The following HEATR5A variants were observed in gnomAD, a reference collection of about 807,000 sequenced individuals.
HEATR5A encodes HEAT repeat containing 5A, also known as HEAT repeat-containing protein 5A.
A neutral mutation model predicts 218.8 loss-of-function variants in HEATR5A; 178 were observed. The observed-to-expected ratio is 0.81, with a 90% confidence interval of 0.72 to 0.92. The LOEUF is 0.92. Among genes scored for constraint, HEATR5A ranks in the 40% least tolerant of loss-of-function variants. HEATR5A has a pLI of 0.00. For synonymous variants in HEATR5A, 864 were observed against 871.6 expected (o/e 0.99, Z 0.15); for missense variants, 2,420 against 2,418.9 (o/e 1.00, Z -0.01).
At chr14:31,416,938 C>T (rs897732669) in intron 1 of HEATR5A, among the ~76,000 whole-genome samples, 2 of 151,944 alleles carry the variant, frequency 1.3e-5, no homozygotes, top group Admixed American at 1.3e-4. Context: ...CGCCTCTCTA[C>T]AAAAAATACA....
chr14:31,333,016 C>G (rs1900527702), intron 22 of HEATR5A, among the ~76,000 whole-genome samples: 1 of 151,018 alleles, frequency 6.6e-6, no homozygotes, highest in Non-Finnish European at 1.5e-5. Context: ...AAATCAGCCA[C>G]AACATTGAGC....
chr14:31,343,830 T>G (rs1900923318), intron 21 of HEATR5A, 66 bp downstream of exon 21: 3 of 1,268,096 alleles, frequency 2.4e-6, no homozygotes, highest in Non-Finnish European at 3.2e-6. Flanking sequence ...AATTAAAATG[T>G]GTACTGGAAT....
At chr14:31,365,805 C>T (rs936497823) in intron 13 of HEATR5A, among the ~76,000 whole-genome samples, 1 of 151,796 alleles carries the variant, frequency 6.6e-6, no homozygotes, top group Non-Finnish European at 1.5e-5. Context: ...GCTGGGACCA[C>T]AGGTGTGGGC....
intron 7 of HEATR5A, among the ~76,000 whole-genome samples, chr14:31,387,719 C>T (rs1295440303): frequency 2.0e-5 from 3 of 152,084 alleles, no homozygotes; most frequent in African/African-American, 4.8e-5. Flanking sequence ...GCCACCAAGC[C>T]CGGCTAATTT....
chr14:31,312,571 C>T (rs969982009), intron 28 of HEATR5A, among the ~76,000 whole-genome samples: 5 of 152,068 alleles, frequency 3.3e-5, no homozygotes, highest in African/African-American at 9.7e-5. Flanking sequence ...CACCACAACA[C>T]TTGGCTAACT....
intron 1 of HEATR5A, chr14:31,420,015 T>G (rs1237032304): frequency 1.3e-5 from 2 of 152,274 alleles, no homozygotes; most frequent in African/African-American, 4.8e-5. Context: ...GCCCGGCTCC[T>G]GGCTGACCAC....
At chr14:31,333,172 T>C (rs1394765706) in intron 22 of HEATR5A, among the ~76,000 whole-genome samples, 1 of 152,106 alleles carries the variant, frequency 6.6e-6, no homozygotes, top group Non-Finnish European at 1.5e-5. Context: ...AAATGCAAGA[T>C]AAAGCAGCAA....
intron 33 of HEATR5A, among the ~76,000 whole-genome samples, chr14:31,301,005 C>T (rs1471813372): frequency 6.6e-6 from 1 of 152,158 alleles, no homozygotes; most frequent in African/African-American, 2.4e-5. Flanking sequence ...TAATCACACC[C>T]TACGGCAATT....
intron 21 of HEATR5A, among the ~76,000 whole-genome samples, chr14:31,339,733 A>C (rs1900784452): frequency 6.6e-6 from 1 of 152,184 alleles, no homozygotes; most frequent in Non-Finnish European, 1.5e-5. Flanking sequence ...AAAAAGTCTC[A>C]AGGTATAATG....
chr14:31,313,511 C>G (rs1899822886), intron 27 of HEATR5A, among the ~76,000 whole-genome samples: 1 of 152,176 alleles, frequency 6.6e-6, no homozygotes, highest in Non-Finnish European at 1.5e-5. Flanking sequence ...TCCATCTTAA[C>G]ATACAGCTAC....
chr14:31,347,091 T>C (rs1001805694), intron 19 of HEATR5A, among the ~76,000 whole-genome samples: 7 of 152,238 alleles, frequency 4.6e-5, no homozygotes, highest in Non-Finnish European at 1.0e-4. Flanking sequence ...ATGGGCTATA[T>C]ACACCCTAAT....
At chr14:31,303,426 C>T (rs967105819) in intron 32 of HEATR5A, among the ~76,000 whole-genome samples, 4 of 151,910 alleles carry the variant, frequency 2.6e-5, no homozygotes, top group African/African-American at 4.8e-5. Context: ...CAGTAAGACT[C>T]CATTTCAAAA....
In HEATR5A at chr14:31,306,780, T is replaced by A; in HGVS notation, c.4918A>T (p.Ile1640Phe). The A allele has an allele frequency of 6.2e-7, 1 of 1,613,812 alleles. No homozygotes were observed. Among genetic ancestry groups the A allele is most frequent in the African/African-American group, 1.3e-5 (1 of 75,060 alleles). Residue 1640 changes from isoleucine (I) to phenylalanine (F), a missense_variant, in exon 31 of 36, where the codon ATC (isoleucine) becomes TTC (phenylalanine). Coordinates refer to ENST00000543095, the MANE Select transcript of HEATR5A (RefSeq NM_015473.4). The part of the protein sequence containing the change: ...LASLEVVRQI[I>F]CAAQEHVKEK... The stretch of plus-strand genomic sequence containing the variant: ...TTCACATGTTCTTGAGCAGCACAGA[T>A]AATCTGCCTTACCACTTCAAGTGAA...
intron 26 of HEATR5A, 95 bp downstream of exon 26, chr14:31,318,129 A>G: frequency 3.0e-6 from 3 of 1,014,008 alleles, no homozygotes; most frequent in Non-Finnish European, 4.7e-6. Flanking sequence ...GATTGACGGT[A>G]AGACAACCAT....
At position 31,320,480 on chromosome 14, in the gene HEATR5A, C is replaced by T. The variant is rs142672364; in HGVS notation, c.3969+1019G>A. On this transcript the variant is annotated intron_variant, in intron 25 of 35. Coordinates refer to ENST00000543095, the MANE Select transcript of HEATR5A (RefSeq NM_015473.4). ...GGAGACAACACTGGTCTGGAACTCC[C>T]GTCTGGCCACCTGGAGTGGGGAGCT... 152 of 1,360,430 alleles carry T rather than the reference C, an allele frequency of 1.1e-4. No individual in the cohort carries two copies. In the African/African-American group the frequency reaches 1.6e-3, roughly 14 times the overall value. 84.3% of individuals were successfully genotyped at this position (1,360,430 alleles called of 1,614,324 possible).
At chr14:31,386,906 A>T (rs1010541688) in intron 8 of HEATR5A, among the ~76,000 whole-genome samples, 1 of 152,254 alleles carries the variant, frequency 6.6e-6, no homozygotes, top group African/African-American at 2.4e-5. Flanking sequence ...ATTCGAGATA[A>T]GCAGAGTAGA....
chr14:31,322,497 G>A (rs1900138668), intron 24 of HEATR5A, among the ~76,000 whole-genome samples: 1 of 152,052 alleles, frequency 6.6e-6, no homozygotes, highest in African/African-American at 2.4e-5. Flanking sequence ...TCTTTTGTCT[G>A]GTAAAGAATA....
At chr14:31,389,204 T>C (rs1333199267) in intron 6 of HEATR5A, among the ~76,000 whole-genome samples, 199 bp from the exon 7 acceptor site, 1 of 152,206 alleles carries the variant, frequency 6.6e-6, no homozygotes, top group Non-Finnish European at 1.5e-5. Context: ...GACCCTGAAG[T>C]GCATGTCAAA....
At chr14:31,339,198 C>T (rs1900762463) in intron 21 of HEATR5A, among the ~76,000 whole-genome samples, 1 of 151,190 alleles carries the variant, frequency 6.6e-6, no homozygotes, top group African/African-American at 2.4e-5. Flanking sequence ...GGCATGATGG[C>T]TCACACCAAG....
Sources: gnomAD v4.1 joint callset for allele counts (sites outside exome capture counted in the v4.1 genomes callset) on GRCh38, gnomAD v4.1.1 for gene constraint, MANE v1.5 for transcripts, NCBI Gene and HGNC (gene_info 2026-07-23, HGNC 2026-07-21) for gene names.